Variants in A3GALT2 observed in about 807,000 individuals in gnomAD.
A3GALT2 encodes the protein alpha-1,3-galactosyltransferase 2.
Under a neutral mutation model 16.6 loss-of-function variants are expected in A3GALT2, and 14 were observed. The ratio of observed to expected loss-of-function variants is 0.84; its 90% CI spans 0.56 to 1.32. The LOEUF (loss-of-function observed/expected upper bound fraction) is 1.32, where lower values mean the gene tolerates loss of function less well. Ranked by LOEUF, A3GALT2 falls within the 40% of genes most tolerant of loss-of-function variation. The pLI is 0.00. For synonymous variants in A3GALT2, 253 were observed against 218.0 expected, an observed-to-expected ratio of 1.16 and a Z score of -1.42; for missense variants, 600 against 490.9, an observed-to-expected ratio of 1.22 and a Z score of -2.10.
chr1:33,318,498 T>G (rs1182361511), intron 1 of A3GALT2, among the ~76,000 whole-genome samples: 1 of 152,106 alleles, frequency 6.6e-6, no homozygotes, highest in African/African-American at 2.4e-5. Flanking sequence ...TTTTGCCTCC[T>G]TCCTAGTGCC....
intron 1 of A3GALT2, among the ~76,000 whole-genome samples, chr1:33,317,897 C>G (rs900468099): frequency 6.6e-5 from 10 of 152,200 alleles, no homozygotes; most frequent in African/African-American, 2.4e-4. Flanking sequence ...TGTCAGTGCT[C>G]AAAAAATTTC....
intron 4 of A3GALT2, among the ~76,000 whole-genome samples, chr1:33,309,052 A>G (rs1365851052): frequency 6.6e-6 from 1 of 151,762 alleles, no homozygotes; most frequent in Admixed American, 6.6e-5. Flanking sequence ...CTGAGTGGAC[A>G]CAGCACATGT....
At chr1:33,317,793 T>G (rs1374269452) in intron 1 of A3GALT2, among the ~76,000 whole-genome samples, 4 of 152,228 alleles carry the variant, frequency 2.6e-5, no homozygotes, top group Non-Finnish European at 5.9e-5. Context: ...TTTTGGAGTT[T>G]TGAATATTTG....
chr1:33,312,891 C>T lies in A3GALT2; in HGVS notation c.24-1G>A, dbSNP rs1431736476. 1.2e-6 allele frequency: 2 copies of T among 1,602,552 alleles called. No homozygotes were observed. Among genetic ancestry groups the T allele is most frequent in the Non-Finnish European group, 1.7e-6 (2 of 1,174,622 alleles). ...CCGCCAGAAGATTCTCTTCCAGGCC[C>T]TGGGGGCGGGAGGGGGGCATCAGTA... On this transcript the variant is annotated splice_acceptor_variant, in intron 1 of 4. Coordinates refer to ENST00000442999, the MANE Select transcript of A3GALT2 (RefSeq NM_001080438.1). LOFTEE classifies it high-confidence loss of function.
chr1:33,313,179 T>TTG (rs1553181602), intron 1 of A3GALT2: 4 of 220,248 alleles, frequency 1.8e-5, no homozygotes, highest in African/African-American at 1.2e-4. Context: ...GACGGAGTTT[T>TTG]TTTTTTTTTT....
rs1201322111 is a variant in A3GALT2, at chr1:33,307,224, C to T, written c.565G>A (p.Gly189Ser). The T allele has an allele frequency of 3.3e-6, 5 of 1,497,854 alleles. No homozygotes were observed. The highest frequency in any genetic ancestry group is 2.5e-5 in the South Asian group (2 of 79,622). The allele number at this position is 1,497,854 out of a possible 1,614,324, so 92.8% of individuals were successfully genotyped here. Residue 189 changes from glycine to serine, a missense_variant, in exon 5 of 5, where the codon GGC becomes AGC. Transcript: ENST00000442999. ...TLHAALGGLP[G>S]REAHFMFCMD... ...CAGAACATGAAGTGCGCCTCGCGGC[C>T]CGGCAGCCCGCCCAGCGCCGCGTGC...
chr1:33,307,299 C>A lies in A3GALT2; in HGVS notation c.490G>T (p.Ala164Ser). 1.4e-6 allele frequency: 2 copies of A among 1,469,662 alleles called. No individual in the cohort carries two copies. Among genetic ancestry groups the A allele is most frequent in the Non-Finnish European group, 1.8e-6 (2 of 1,121,430 alleles). 91.0% of individuals were successfully genotyped at this position (1,469,662 alleles called of 1,614,324 possible). The change falls in exon 5 of 5, where the codon GCG (alanine) becomes TCG (serine). Residue 164 changes from alanine to serine, a missense_variant. Ala to Ser is a moderately conservative substitution (Grantham distance 99). Coordinates refer to ENST00000442999, the MANE Select transcript of A3GALT2 (RefSeq NM_001080438.1). ...ACGTCTTGCCAGCGCCGCTCGCGCG[C>A]CACGCGCTCCACGGGCAGCCGGCGT... The part of the protein sequence containing the change: ...PGRRLPVERV[A>S]RERRWQDVSM...
At position 33,320,865 on chromosome 1, in the gene A3GALT2, C is replaced by T. The variant is rs771705451; in HGVS notation, c.23+211G>A. On this transcript the variant is annotated intron_variant, in intron 1 of 4. Coordinates refer to ENST00000442999, the MANE Select transcript of A3GALT2 (RefSeq NM_001080438.1). The surrounding 1 kb of genome is among the most constrained non-coding windows in gnomAD (Gnocchi z 4.3). Reference sequence around the variant, plus strand: ...AAATCTTGTGGAATACAACCTCCCCCACCCCGGTGTCCATGCACACGGATT... The same window carrying T: ...AAATCTTGTGGAATACAACCTCCCCTACCCCGGTGTCCATGCACACGGATT... 2.0e-5 allele frequency among the ~76,000 whole-genome samples: 3 copies of T among 151,976 alleles called. No homozygotes were observed. The Admixed American group carries it at 2.0e-4, about 10-fold the overall frequency.
At chr1:33,312,965 A>G in intron 1 of A3GALT2, 75 bp from the exon 2 acceptor site, 1 of 1,203,010 alleles carries the variant, frequency 8.3e-7, no homozygotes, top group Non-Finnish European at 1.2e-6. Context: ...ACATACATGA[A>G]AAGTCTTTCT....
At chr1:33,319,374 A>T (rs182306982) in intron 1 of A3GALT2, among the ~76,000 whole-genome samples, 2 of 152,278 alleles carry the variant, frequency 1.3e-5, no homozygotes, top group Admixed American at 6.5e-5. Flanking sequence ...ACTGTGTGAG[A>T]GAGGATGCAT....
chr1:33,312,704 C>G (rs1302558028), intron 2 of A3GALT2, 103 bp downstream of exon 2: 14 of 1,435,202 alleles, frequency 9.8e-6, no homozygotes, highest in African/African-American at 1.4e-5. Flanking sequence ...GACACTTGAG[C>G]TGAGTTAGCC....
At position 33,312,610 on chromosome 1, in the gene A3GALT2, G is replaced by A. The variant is rs755036482; in HGVS notation, c.108-20C>T. 40 of 1,553,912 alleles carry A rather than the reference G, an allele frequency of 2.6e-5. No homozygotes were observed. In the South Asian group the frequency reaches 3.1e-4, roughly 12 times the overall value. On this transcript the variant is annotated intron_variant, in intron 2 of 4. Coordinates refer to ENST00000442999, the MANE Select transcript of A3GALT2 (RefSeq NM_001080438.1). Reference sequence around the variant, plus strand: ...AGATGCCTGTGGTGGGTTGAGGGGCGGGGGGCAGGCAGCCGTGAGAAGCAT... The same window carrying A: ...AGATGCCTGTGGTGGGTTGAGGGGCAGGGGGCAGGCAGCCGTGAGAAGCAT...
intron 4 of A3GALT2, 105 bp downstream of exon 4, chr1:33,311,947 T>A (rs1261550959): frequency 7.4e-6 from 11 of 1,484,428 alleles, no homozygotes; most frequent in Non-Finnish European, 1.0e-5. Flanking sequence ...CGCTTCACTT[T>A]GGGATCCCAT....
At position 33,312,270 on chromosome 1, in the gene A3GALT2, G is replaced by T. The variant is rs754560679; in HGVS notation, c.198-81C>A. On this transcript the variant is annotated intron_variant, in intron 3 of 4. Coordinates refer to ENST00000442999, the MANE Select transcript of A3GALT2 (RefSeq NM_001080438.1). Reference sequence around the variant, plus strand: ...GCATGTTCACTGCCACCTCCCCAGTGCTGAGCCCTAGGGACCCATAGACCG... The same window carrying T: ...GCATGTTCACTGCCACCTCCCCAGTTCTGAGCCCTAGGGACCCATAGACCG... The T allele has an allele frequency of 4.7e-5, 74 of 1,569,994 alleles. No individual in the cohort carries two copies. In the South Asian group the frequency reaches 7.1e-4, roughly 15 times the overall value.
rs778408876 is a variant in A3GALT2, at chr1:33,307,473, G to A, written c.336-20C>T. ...AGGTATCTAAGGGCGCGGCGCCACC[G>A]TCAGCCTGAGAGTGAAGCGAGGCGG... On this transcript the variant is annotated intron_variant, in intron 4 of 4. Transcript: ENST00000442999. 3 of 1,465,926 alleles carry A rather than the reference G, an allele frequency of 2.0e-6. No individual in the cohort carries two copies. Among genetic ancestry groups the A allele is most frequent in the Admixed American group, 2.5e-5 (1 of 39,452 alleles). 90.8% of individuals were successfully genotyped at this position (1,465,926 alleles called of 1,614,324 possible). A position where few individuals can be genotyped will look rare whatever the true frequency, so the allele number is the denominator to read the frequency against.
At chr1:33,315,083 C>CA (rs890289021) in intron 1 of A3GALT2, among the ~76,000 whole-genome samples, 7 of 151,866 alleles carry the variant, frequency 4.6e-5, no homozygotes, top group Non-Finnish European at 8.8e-5. Context: ...CCTGCCTCTG[C>CA]AAAAAATTAA....
chr1:33,309,569 G>T (rs1178630929), intron 4 of A3GALT2, among the ~76,000 whole-genome samples: 2 of 148,768 alleles, frequency 1.3e-5, no homozygotes, highest in Non-Finnish European at 3.0e-5. Flanking sequence ...GGGCGGAGGG[G>T]CTCCTCACTT....
chr1:33,317,051 C>T (rs763600282), intron 1 of A3GALT2, among the ~76,000 whole-genome samples: 2 of 152,014 alleles, frequency 1.3e-5, no homozygotes, highest in Non-Finnish European at 2.9e-5. Flanking sequence ...CTTACACAAG[C>T]GAGACTTGAG....
chr1:33,310,310 AGAGGGAGACCGGGG>A (rs1646227515), intron 4 of A3GALT2, among the ~76,000 whole-genome samples: 3 of 147,482 alleles, frequency 2.0e-5, no homozygotes, highest in Admixed American at 6.6e-5. Context: ...AGGGAGAGGG[AGAGGGAGACCGGGG>A]AGAGGGAGAC....
Sources: gnomAD v4.1 joint callset for allele counts (sites outside exome capture counted in the v4.1 genomes callset) on GRCh38, gnomAD v4.1.1 for gene constraint, Gnocchi (gnomAD v3.1) non-coding constraint, MANE v1.5 for transcripts, NCBI Gene and HGNC (gene_info 2026-07-23, HGNC 2026-07-21) for gene names.